The following DSC3 variants were observed in gnomAD, a reference collection of about 807,000 sequenced individuals.
DSC3 encodes desmocollin 3, also known as desmocollin-3.
In DSC3, 97 loss-of-function variants were observed where a neutral mutation model predicts 89.5. That is an observed-to-expected ratio of 1.08 (90% CI 0.92 to 1.28). The LOEUF is 1.28. Among genes scored for constraint, DSC3 ranks in the 50% most tolerant of loss-of-function variants. DSC3 has a pLI of 0.00. For synonymous variants in DSC3, 436 were observed against 384.1 expected (o/e 1.14, Z -1.58); for missense variants, 1,199 against 1,085.3 (o/e 1.10, Z -1.47).
At chr18:31,012,727 T>C (rs546606521) in intron 9 of DSC3, among the ~76,000 whole-genome samples, 16 of 152,288 alleles carry the variant, frequency 1.1e-4, no homozygotes, top group Non-Finnish European at 2.2e-4. Flanking sequence ...AGGAAATAAA[T>C]TAGTTTTATG....
intron 7 of DSC3, among the ~76,000 whole-genome samples, chr18:31,020,179 A>C (rs758258838): frequency 3.3e-5 from 5 of 152,212 alleles, no homozygotes; most frequent in Non-Finnish European, 7.3e-5. Flanking sequence ...TCATGACTAG[A>C]AATGTCTACC....
chr18:31,031,097 C>G lies in DSC3; in HGVS notation c.230G>C (p.Gly77Ala), dbSNP rs755333282. 6.2e-7 allele frequency: 1 copy of G among 1,613,684 alleles called. No homozygotes were observed. The highest frequency in any genetic ancestry group is 8.5e-7 in the Non-Finnish European group (1 of 1,179,862). ...SDPDFRVLND[G>A]SVYTARAVAL... Reference sequence around the variant, plus strand: ...AACAGCCCTGGCTGTGTACACTGACCCATCATTTAGAACTCTGAAATCAGG... The same window carrying G: ...AACAGCCCTGGCTGTGTACACTGACGCATCATTTAGAACTCTGAAATCAGG... Residue 77 changes from glycine (G) to alanine (A), a missense_variant, in exon 3 of 16, where the codon GGG becomes GCG. Transcript: ENST00000360428.
chr18:31,019,110 G>GTTTTT (rs1040366448), intron 7 of DSC3, among the ~76,000 whole-genome samples: 8 of 152,310 alleles, frequency 5.3e-5, no homozygotes, highest in African/African-American at 1.9e-4. Context: ...GTTTTGTTTT[G>GTTTTT]TCTTGAGACG....
chr18:31,019,243 C>CCTACCA (rs72243560), intron 7 of DSC3, among the ~76,000 whole-genome samples: 1,649 of 151,930 alleles, frequency 0.011, 30 homozygotes, highest in African/African-American at 0.038. Context: ...ATTACAGGTG[C>CCTACCA]CCATGCCCAG....
chr18:31,012,325 G>T (rs578034927), intron 9 of DSC3, among the ~76,000 whole-genome samples: 1 of 152,308 alleles, frequency 6.6e-6, no homozygotes, highest in Admixed American at 6.5e-5. Flanking sequence ...TTGTGCAAAT[G>T]AAGTAATGGC....
chr18:31,004,894 C>A (rs1984787340), intron 12 of DSC3, among the ~76,000 whole-genome samples: 1 of 152,176 alleles, frequency 6.6e-6, no homozygotes, highest in South Asian at 2.1e-4. Context: ...AAGGCTTACA[C>A]AAAACAGAAA....
chr18:31,020,230 A>G (rs1985372677), intron 7 of DSC3, among the ~76,000 whole-genome samples: 1 of 152,142 alleles, frequency 6.6e-6, no homozygotes, highest in Non-Finnish European at 1.5e-5. Context: ...AAATTATGGC[A>G]GGAATCAGAT....
intron 1 of DSC3, among the ~76,000 whole-genome samples, chr18:31,036,889 T>G (rs276935): frequency 0.49 from 72,750 of 148,846 alleles, 18,224 homozygotes; most frequent in East Asian, 0.88. Flanking sequence ...GCCTCCTAGG[T>G]TCAAGCAATT....
At chr18:31,042,314 C>T (rs1310663208) in intron 1 of DSC3, among the ~76,000 whole-genome samples, 4 of 152,216 alleles carry the variant, frequency 2.6e-5, no homozygotes. Flanking sequence ...CCCGCGACGG[C>T]GCCCGCCAGA....
rs1985814597 is a variant in DSC3 at position 31,032,236 on chromosome 18, A to G, written c.110T>C (p.Leu37Pro). The change falls in exon 2 of 16, where the codon CTT becomes CCT. Residue 37 changes from leucine to proline, a missense_variant. Transcript: ENST00000360428. ...RAGEACKKVI[L>P]NVPSKLEADK... ...TGCCTCTAGTTTAGAAGGTACATTAAGTATCACCTTTTTGCAGGCTTCACC... is the reference window on the plus strand; with the variant it reads ...TGCCTCTAGTTTAGAAGGTACATTAGGTATCACCTTTTTGCAGGCTTCACC... 2 of 1,613,736 alleles carry G rather than the reference A, an allele frequency of 1.2e-6. No homozygotes were observed. The highest frequency in any genetic ancestry group is 1.7e-6 in the Non-Finnish European group (2 of 1,179,790).
At chr18:31,037,323 T>C (rs1233077334) in intron 1 of DSC3, among the ~76,000 whole-genome samples, 1 of 152,202 alleles carries the variant, frequency 6.6e-6, no homozygotes, top group African/African-American at 2.4e-5. Flanking sequence ...ATAGATAGTG[T>C]TGGATTTTCT....
chr18:31,024,636 A>C, intron 5 of DSC3, 143 bp from the exon 6 acceptor site: 1 of 884,164 alleles, frequency 1.1e-6, no homozygotes. Flanking sequence ...TTTAATTATC[A>C]AAGCACCAAA....
At position 31,022,539 on chromosome 18, in the gene DSC3, G is replaced by A. The variant is rs771905849; in HGVS notation, c.776-37C>T. ...AAAATAAAACAGCCTTTAATTTACAGAATTGTTAAATATACTTTCAAAAGT... is the reference window on the plus strand; with the variant it reads ...AAAATAAAACAGCCTTTAATTTACAAAATTGTTAAATATACTTTCAAAAGT... On this transcript the variant is annotated intron_variant, in intron 6 of 15. Transcript: ENST00000360428. 4.4e-6 allele frequency: 7 copies of A among 1,608,686 alleles called. No homozygotes were observed. The South Asian group carries it at 4.4e-5, about 10-fold the overall frequency.
At chr18:31,039,054 A>C in intron 1 of DSC3, among the ~76,000 whole-genome samples, 1 of 152,172 alleles carries the variant, frequency 6.6e-6, no homozygotes, top group East Asian at 1.9e-4. Context: ...AATGACCTTT[A>C]AAGATATTTT....
rs761206047 is a variant in DSC3 at position 30,994,434 on chromosome 18, T to C, written c.2494-62A>G. 3 of 1,589,502 alleles carry C rather than the reference T, an allele frequency of 1.9e-6. No homozygotes were observed. The South Asian group carries it at 3.4e-5, about 18-fold the overall frequency. On this transcript the variant is annotated intron_variant, in intron 15 of 15. Coordinates refer to ENST00000360428, the MANE Select transcript of DSC3 (RefSeq NM_001941.5). ...TTTAAACAACTTAAATATATGAACA[T>C]AAAATTTATTTTTATTTACCTTTTA... is the stretch of plus-strand genomic sequence containing the variant.
At chr18:31,025,369 G>A (rs1985561787) in intron 5 of DSC3, among the ~76,000 whole-genome samples, 1 of 152,072 alleles carries the variant, frequency 6.6e-6, no homozygotes, top group Admixed American at 6.6e-5. Flanking sequence ...AGACAAAAAT[G>A]GAAGTAAGAA....
chr18:31,019,358 G>A (rs539841863), intron 7 of DSC3, among the ~76,000 whole-genome samples: 1 of 152,080 alleles, frequency 6.6e-6, no homozygotes, highest in Non-Finnish European at 1.5e-5. Context: ...CAAAGTGCTA[G>A]GATTACAGGC....
At chr18:31,024,173 T>C (rs1251925545) in intron 6 of DSC3, among the ~76,000 whole-genome samples, 176 bp downstream of exon 6, 1 of 152,172 alleles carries the variant, frequency 6.6e-6, no homozygotes, top group Admixed American at 6.6e-5. Context: ...TTCTGTACTA[T>C]CTGGGCAAGG....
rs1004829215 is a variant in DSC3, at chr18:31,032,172, A to G, written c.154+20T>C. On this transcript the variant is annotated intron_variant, in intron 2 of 15. Coordinates refer to ENST00000360428, the MANE Select transcript of DSC3 (RefSeq NM_001941.5). ...TGTAAACTAAATTTCTGCTTTAAAAAGACTTTTAAAATTTCTCACCTCTGC... is the reference window on the plus strand; with the variant it reads ...TGTAAACTAAATTTCTGCTTTAAAAGGACTTTTAAAATTTCTCACCTCTGC... 2 of 1,559,056 alleles carry G rather than the reference A, an allele frequency of 1.3e-6. No homozygotes were observed. Among genetic ancestry groups the G allele is most frequent in the African/African-American group, 2.7e-5 (2 of 73,790 alleles).
Sources: gnomAD v4.1 joint callset for allele counts (sites outside exome capture counted in the v4.1 genomes callset) on GRCh38, gnomAD v4.1.1 for gene constraint, MANE v1.5 for transcripts, NCBI Gene and HGNC (gene_info 2026-07-23, HGNC 2026-07-21) for gene names.